Variants in BLK observed in about 807,000 individuals in gnomAD.
The protein encoded by BLK is tyrosine-protein kinase Blk.
In BLK, 64 loss-of-function variants were observed where a neutral mutation model predicts 61.8. The observed-to-expected ratio is 1.03, with a 90% CI of 0.85 to 1.27. The LOEUF (loss-of-function observed/expected upper bound fraction) is 1.27. Among genes scored for constraint, BLK ranks in the 50% most tolerant of loss-of-function variants. The pLI, the probability that BLK is intolerant of heterozygous loss-of-function variation, is 0.00. For synonymous variants in BLK, 351 were observed against 272.0 expected (o/e 1.29, Z -2.86); for missense variants, 853 against 660.5 (o/e 1.29, Z -3.19).
At chr8:11,503,801 G>T (rs954042623) in intron 1 of BLK, among the ~76,000 whole-genome samples, 6 of 152,120 alleles carry the variant, frequency 3.9e-5, no homozygotes, top group African/African-American at 7.2e-5. Flanking sequence ...GCTGCTGGCT[G>T]CCCTGGGCTC....
chr8:11,548,888 T>G, intron 4 of BLK, 136 bp from the exon 5 acceptor site: 2 of 820,602 alleles, frequency 2.4e-6, no homozygotes, highest in East Asian at 5.3e-5. Context: ...ACAAGCCCCT[T>G]CCTGCCTGCC....
intron 1 of BLK, among the ~76,000 whole-genome samples, chr8:11,530,604 G>C (rs1165159878): frequency 6.6e-6 from 1 of 152,202 alleles, no homozygotes; most frequent in Non-Finnish European, 1.5e-5. Context: ...GAGAAGGCAG[G>C]TAAAGAGAAA....
At chr8:11,543,416 T>C (rs1038166738) in intron 2 of BLK, 69 bp downstream of exon 2, 2 of 1,591,370 alleles carry the variant, frequency 1.3e-6, no homozygotes, top group South Asian at 1.1e-5. Context: ...TCCAAGTTTG[T>C]AAAATGGGTA....
At chr8:11,495,612 C>T (rs1031195055) in intron 1 of BLK, among the ~76,000 whole-genome samples, 15 of 152,126 alleles carry the variant, frequency 9.9e-5, no homozygotes, top group African/African-American at 2.2e-4. Flanking sequence ...GATTCCACAA[C>T]ATATTTCACC....
chr8:11,545,485 G>A (rs1800589394), intron 2 of BLK, among the ~76,000 whole-genome samples: 1 of 152,118 alleles, frequency 6.6e-6, no homozygotes, highest in African/African-American at 2.4e-5. Context: ...GGAGGCGGAG[G>A]TTGCAGTGAT....
chr8:11,561,428 G>A lies in BLK; in HGVS notation c.1156G>A (p.Asp386Asn), dbSNP rs940498822. ...IADFGLARII[D>N]SEYTAQEGAK... ...TGATTTTGGCTTGGCTCGAATCATC[G>A]ACAGTGAATACACGGCCCAAGAGGG... The change falls in exon 11 of 13, where the codon GAC (aspartate) becomes AAC (asparagine). Residue 386 changes from aspartate (D) to asparagine (N), a missense_variant. Asp to Asn is a conservative substitution (Grantham distance 23, BLOSUM62 1). Transcript: ENST00000259089. The A allele has an allele frequency of 2.0e-5, 33 of 1,613,778 alleles. No homozygotes were observed. The highest frequency in any genetic ancestry group is 8.8e-5 in the South Asian group (8 of 91,020).
intron 1 of BLK, among the ~76,000 whole-genome samples, chr8:11,502,428 C>G (rs1798597827): frequency 6.6e-6 from 1 of 152,110 alleles, no homozygotes; most frequent in South Asian, 2.1e-4. Context: ...CTCATCCTCC[C>G]AATTAGCTGG....
At chr8:11,506,402 C>T (rs975455950) in intron 1 of BLK, among the ~76,000 whole-genome samples, 2 of 152,124 alleles carry the variant, frequency 1.3e-5, no homozygotes, top group Non-Finnish European at 2.9e-5. Flanking sequence ...TTGGCCATGG[C>T]ACTAGTTTCA....
chr8:11,524,603 G>T (rs900088881), intron 1 of BLK, among the ~76,000 whole-genome samples: 3 of 152,322 alleles, frequency 2.0e-5, no homozygotes, highest in East Asian at 3.9e-4. Flanking sequence ...GCTCTTGAGC[G>T]TGGGAATCCC....
At chr8:11,518,761 C>T (rs1248629160) in intron 1 of BLK, among the ~76,000 whole-genome samples, 2 of 152,150 alleles carry the variant, frequency 1.3e-5, no homozygotes, top group South Asian at 4.1e-4. Flanking sequence ...CCCAGCTGGT[C>T]TCTGGGCCCT....
At chr8:11,526,568 A>T (rs1344804778) in intron 1 of BLK, among the ~76,000 whole-genome samples, 4 of 152,118 alleles carry the variant, frequency 2.6e-5, no homozygotes, top group Non-Finnish European at 4.4e-5. Context: ...CAAATACAAA[A>T]ATTAGCTGGG....
rs553128853 is a variant in BLK, at chr8:11,520,468, C to A, written c.-1-22756C>A. Among the ~76,000 whole-genome samples, 9 of 87,272 alleles carry A rather than the reference C, an allele frequency of 1.0e-4. No homozygotes were observed. In the East Asian group the frequency reaches 3.6e-3, roughly 35 times the overall value. 57.3% of individuals were successfully genotyped at this position (87,272 alleles called of 152,430 possible). A position where few individuals can be genotyped will look rare whatever the true frequency, so the allele number is the denominator to read the frequency against. ...TTCCAGCCTGGGCAATGGAGCAAGA[C>A]CTTGTCTCAAAAAAAAAAAAAAAAA... is the stretch of plus-strand genomic sequence containing the variant. On this transcript the variant is annotated intron_variant, in intron 1 of 12. Coordinates refer to ENST00000259089, the MANE Select transcript of BLK (RefSeq NM_001715.3).
intron 7 of BLK, 57 bp downstream of exon 7, chr8:11,554,946 C>A: frequency 6.3e-7 from 1 of 1,589,014 alleles, no homozygotes; most frequent in East Asian, 2.3e-5. Flanking sequence ...CTGGATCTCT[C>A]GCTAAGATTC....
chr8:11,516,239 G>T (rs936308873), intron 1 of BLK, among the ~76,000 whole-genome samples: 3 of 152,204 alleles, frequency 2.0e-5, no homozygotes, highest in Non-Finnish European at 2.9e-5. Flanking sequence ...TAGAACGGGG[G>T]TGCGAGAGCC....
intron 10 of BLK, chr8:11,559,906 CAGCAGATCTGGGCAGCTTCTTCTTGAA>C (rs1219360721): frequency 1.8e-5 from 8 of 453,132 alleles, no homozygotes; most frequent in Non-Finnish European, 3.1e-5. Flanking sequence ...TGTTCTTGCT[CAGCAGATCTGGGCAGCTTCTTCTTGAA>C]AGCAGATCTG....
At chr8:11,555,602 C>T (rs549300104) in intron 8 of BLK, 118 bp downstream of exon 8, 31 of 1,478,700 alleles carry the variant, frequency 2.1e-5, no homozygotes, top group Middle Eastern at 2.1e-4. Flanking sequence ...TGAGAGGGAG[C>T]GAGGACAGAG....
chr8:11,534,150 G>C (rs554509285), intron 1 of BLK, among the ~76,000 whole-genome samples: 2 of 152,300 alleles, frequency 1.3e-5, no homozygotes, highest in African/African-American at 2.4e-5. Context: ...TACAAACTGA[G>C]GTTTCAGAAC....
chr8:11,506,343 T>A (rs1798768362), intron 1 of BLK, among the ~76,000 whole-genome samples: 1 of 152,182 alleles, frequency 6.6e-6, no homozygotes, highest in Non-Finnish European at 1.5e-5. Context: ...TCATTTATCA[T>A]TTTTTAGAAA....
chr8:11,503,162 G>T (rs542750967), intron 1 of BLK, among the ~76,000 whole-genome samples: 1 of 152,220 alleles, frequency 6.6e-6, no homozygotes, highest in African/African-American at 2.4e-5. Context: ...GGTTGTTCAA[G>T]TGCAGAGAAT....
Sources: allele counts gnomAD v4.1 joint callset (sites outside exome capture counted in the v4.1 genomes callset), GRCh38; gene constraint gnomAD v4.1.1; transcripts MANE v1.5; gene names NCBI Gene and HGNC (gene_info 2026-07-23, HGNC 2026-07-21).